The following CDKN2AIP variants were observed in gnomAD, a reference collection of about 807,000 sequenced individuals.
CDKN2AIP encodes the protein CDKN2A-interacting protein.
In CDKN2AIP, 12 loss-of-function variants were observed where a neutral mutation model predicts 44.1. The observed-to-expected ratio is 0.27, with a 90% CI of 0.17 to 0.44. The LOEUF (loss-of-function observed/expected upper bound fraction) is 0.44. CDKN2AIP is among the 20% of genes least tolerant of loss of function. The probability of loss-of-function intolerance (pLI) is 1.00; values close to 1 mark genes in which losing one functional copy is unlikely to be tolerated. For missense variants in CDKN2AIP, 705 were observed against 681.6 expected, an observed-to-expected ratio of 1.03 and a Z score of -0.38; for synonymous variants, 291 against 272.1, an observed-to-expected ratio of 1.07 and a Z score of -0.68.
Position 183,446,981 on chromosome 4 carries a change from G to A in CDKN2AIP, c.1297G>A (p.Val433Met). ...CTCTTGCAAGTTAACCAATGAAGAT[G>A]TGAAACAGAAGCAACCTTTTTTCAA... ...KFSCKLTNED[V>M]KQKQPFFNRL... Residue 433 changes from valine (V) to methionine (M), a missense_variant, in exon 3 of 3, where the codon GTG becomes ATG. Physicochemically the swap from Val to Met is conservative, Grantham distance 21. This residue lies in a region of CDKN2AIP where 592 missense variants were observed against 518.0 expected (regional missense o/e 1.14). Coordinates refer to ENST00000504169, the MANE Select transcript of CDKN2AIP (RefSeq NM_017632.4). The A allele has an allele frequency of 1.2e-6, 2 of 1,614,200 alleles. No individual in the cohort carries two copies. Among genetic ancestry groups the A allele is most frequent in the Non-Finnish European group, 1.7e-6 (2 of 1,180,008 alleles).
intron 2 of CDKN2AIP, 79 bp from the exon 3 acceptor site, chr4:183,446,009 A>G (rs1375292319): frequency 6.9e-6 from 8 of 1,165,532 alleles, no homozygotes; most frequent in Middle Eastern, 4.0e-4. Context: ...TTGTGCCTTT[A>G]TTTTAATGTG....
chr4:183,446,443 T>C lies in CDKN2AIP; in HGVS notation c.759T>C (p.Asn253=). ...SFVSLLKSSV[N]SHMTQSTDSR... is the part of the protein sequence containing the mutation. ...TTTCCTTGCTGAAATCCAGTGTGAA[T>C]AGTCACATGACCCAATCCACTGATT... Residue 253 remains asparagine (N), a synonymous_variant, in exon 3 of 3, where the codon AAT becomes AAC. Coordinates refer to ENST00000504169, the MANE Select transcript of CDKN2AIP (RefSeq NM_017632.4). 1.2e-6 allele frequency: 2 copies of C among 1,613,914 alleles called. No individual in the cohort carries two copies. Among genetic ancestry groups the C allele is most frequent in the Non-Finnish European group, 1.7e-6 (2 of 1,179,736 alleles).
In CDKN2AIP at chr4:183,447,027, C is replaced by T. The variant is rs1236032390; in HGVS notation, c.1343C>T (p.Ala448Val). The T allele has an allele frequency of 5.6e-6, 9 of 1,613,978 alleles. No homozygotes were observed. In the East Asian group the frequency reaches 1.6e-4, roughly 28 times the overall value. Residue 448 changes from alanine (A) to valine (V), a missense_variant, in exon 3 of 3, where the codon GCA becomes GTA. Physicochemically the swap from Ala to Val is moderately conservative, Grantham distance 64. Around this residue, in one of 2 missense-constraint regions of CDKN2AIP, gnomAD observed 113 missense variants for 163.6 expected, o/e 0.69. Coordinates refer to ENST00000504169, the MANE Select transcript of CDKN2AIP (RefSeq NM_017632.4). ...PFFNRLYKTVAWKLVAVGGFS... is the reference protein window; with the variant it reads ...PFFNRLYKTVVWKLVAVGGFS... Reference sequence around the variant, plus strand: ...TTCAATAGACTATATAAAACGGTGGCATGGAAGTTGGTAGCTGTTGGTGGC... The same window carrying T: ...TTCAATAGACTATATAAAACGGTGGTATGGAAGTTGGTAGCTGTTGGTGGC...
chr4:183,444,968 GGATGAAGCT>G lies in CDKN2AIP; in HGVS notation c.173_181del (p.Asp58_Ala60del). On this transcript the variant is annotated inframe_deletion, in exon 1 of 3. Transcript: ENST00000504169. ...CTGGCGGCGCTGCCTCCGCTAGCAC[GGATGAAGCT>G]GCCGACGCCGAGAGCGGGACCCGAA... The G allele has an allele frequency of 1.9e-6, 3 of 1,610,210 alleles. No homozygotes were observed. The highest frequency in any genetic ancestry group is 2.5e-6 in the Non-Finnish European group (3 of 1,177,812).
chr4:183,446,371 A>G lies in CDKN2AIP; in HGVS notation c.687A>G (p.Lys229=), dbSNP rs1305286779. ...AGGTAACAACGGCAGGATCTGGGAA[A>G]GCTTCTGAAGCAGAAGCTCCAGATA... is the stretch of plus-strand genomic sequence containing the variant. The part of the protein sequence containing the change: ...SSQVTTAGSG[K]ASEAEAPDKH... The change falls in exon 3 of 3, where the codon AAA becomes AAG. Residue 229 remains lysine, a synonymous_variant. Coordinates refer to ENST00000504169, the MANE Select transcript of CDKN2AIP (RefSeq NM_017632.4). The G allele has an allele frequency of 1.2e-5, 19 of 1,611,876 alleles. No homozygotes were observed. The highest frequency in any genetic ancestry group is 1.5e-5 in the Non-Finnish European group (18 of 1,178,940).
At position 183,444,662 on chromosome 4, in the gene CDKN2AIP, C is replaced by G. The variant is rs965732693; in HGVS notation, c.-136C>G. On this transcript the variant is annotated 5_prime_UTR_variant, in exon 1 of 3. Transcript: ENST00000504169. ...GTGGGCGGTTCGGCGGCTCTGGGCG[C>G]TGTTGTTTGGTCTTTAGGCCTGCGG... 2.5e-5 allele frequency: 20 copies of G among 804,738 alleles called. No individual in the cohort carries two copies. The highest frequency in any genetic ancestry group is 6.6e-5 in the South Asian group (3 of 45,472). 49.8% of individuals were successfully genotyped at this position (804,738 alleles called of 1,614,324 possible). A position where few individuals can be genotyped will look rare whatever the true frequency, so the allele number is the denominator to read the frequency against.
Position 183,446,490 on chromosome 4 carries a change from C to T in CDKN2AIP, c.806C>T (p.Pro269Leu), listed in dbSNP as rs1733684116. The change falls in exon 3 of 3, where the codon CCT becomes CTT. Residue 269 changes from proline to leucine, a missense_variant. Transcript: ENST00000504169. ...STDSRQQSGS[P>L]KKSALEGSSA... ...GATTCTAGACAACAAAGTGGATCAC[C>T]TAAAAAGAGTGCTTTGGAAGGCTCT... 8 of 1,613,716 alleles carry T rather than the reference C, an allele frequency of 5.0e-6. No homozygotes were observed. Among genetic ancestry groups the T allele is most frequent in the Middle Eastern group, 1.6e-4 (1 of 6,062 alleles).
At chr4:183,445,503 C>G (rs369471031) in intron 1 of CDKN2AIP, 32 bp from the exon 2 acceptor site, 173 of 1,588,282 alleles carry the variant, frequency 1.1e-4, no homozygotes, top group Non-Finnish European at 1.5e-4. Flanking sequence ...AGAAAAAACA[C>G]TTTTTAAAAA....
In CDKN2AIP at chr4:183,446,020, T is replaced by G; in HGVS notation, c.404-68T>G. ...CACTTTGTGCCTTTATTTTAATGTG[T>G]ATTTGTCTCATCACCCGTTTTGTAC... is the stretch of plus-strand genomic sequence containing the variant. On this transcript the variant is annotated intron_variant, in intron 2 of 2. Coordinates refer to ENST00000504169, the MANE Select transcript of CDKN2AIP (RefSeq NM_017632.4). 4 of 1,257,142 alleles carry G rather than the reference T, an allele frequency of 3.2e-6. No homozygotes were observed. In the South Asian group the frequency reaches 4.3e-5, roughly 14 times the overall value. 77.9% of individuals were successfully genotyped at this position (1,257,142 alleles called of 1,614,324 possible).
In CDKN2AIP at chr4:183,444,788, C is replaced by T. The variant is rs1292296281; in HGVS notation, c.-10C>T. 6.6e-7 allele frequency: 1 copy of T among 1,518,328 alleles called. No homozygotes were observed. Among genetic ancestry groups the T allele is most frequent in the East Asian group, 2.5e-5 (1 of 40,254 alleles). The allele number at this position is 1,518,328 out of a possible 1,614,324, so 94.1% of individuals were successfully genotyped here. On this transcript the variant is annotated 5_prime_UTR_variant, in exon 1 of 3. Transcript: ENST00000504169. Reference sequence around the variant, plus strand: ...CCGGTGCAGCTGTGTTCGCGGCCTGCAGGCCCAACATGGCGCAGGAGGTGT... The same window carrying T: ...CCGGTGCAGCTGTGTTCGCGGCCTGTAGGCCCAACATGGCGCAGGAGGTGT...
Position 183,446,427 on chromosome 4 carries a change from T to G in CDKN2AIP, c.743T>G (p.Leu248Arg), listed in dbSNP as rs759827030. The change falls in exon 3 of 3, where the codon CTG becomes CGG. Residue 248 changes from leucine to arginine, a missense_variant. Transcript: ENST00000504169. ...GGTTCTGCATCATTTGTTTCCTTGC[T>G]GAAATCCAGTGTGAATAGTCACATG... ...KHGSASFVSL[L>R]KSSVNSHMTQ... is the part of the protein sequence containing the mutation. 6.2e-7 allele frequency: 1 copy of G among 1,613,780 alleles called. No individual in the cohort carries two copies. The highest frequency in any genetic ancestry group is 8.5e-7 in the Non-Finnish European group (1 of 1,179,632).
Position 183,444,889 on chromosome 4 carries a change from A to G in CDKN2AIP, c.92A>G (p.His31Arg). ...CGCTGCGACGGCGAGACTGACAAAC[A>G]CTGGCGCCACCGCCGGGATTTTTTG... ...ALRCDGETDK[H>R]WRHRRDFLLR... Residue 31 changes from histidine (H) to arginine (R), a missense_variant, in exon 1 of 3, where the codon CAC becomes CGC. His to Arg is a conservative substitution (Grantham distance 29). Coordinates refer to ENST00000504169, the MANE Select transcript of CDKN2AIP (RefSeq NM_017632.4). The G allele has an allele frequency of 6.2e-7, 1 of 1,605,494 alleles. No homozygotes were observed. Among genetic ancestry groups the G allele is most frequent in the African/African-American group, 1.3e-5 (1 of 74,910 alleles).
Position 183,446,784 on chromosome 4 carries a change from C to T in CDKN2AIP, c.1100C>T (p.Ala367Val), listed in dbSNP as rs764106682. ...LLTSKSTSQVAASLLASKSSS... is the reference protein window; with the variant it reads ...LLTSKSTSQVVASLLASKSSS... ...ACTTCCAAGAGCACTTCCCAGGTAG[C>T]TGCATCACTACTAGCTTCCAAGAGC... The change falls in exon 3 of 3, where the codon GCT (alanine) becomes GTT (valine). Residue 367 changes from alanine (A) to valine (V), a missense_variant. Ala to Val is a moderately conservative substitution (Grantham distance 64). This residue lies in a region of CDKN2AIP where 592 missense variants were observed against 518.0 expected (regional missense o/e 1.14). Transcript: ENST00000504169. 4.3e-6 allele frequency: 7 copies of T among 1,614,068 alleles called. No homozygotes were observed. In the East Asian group the frequency reaches 8.9e-5, roughly 21 times the overall value.
rs1445928156 is a variant in CDKN2AIP at position 183,444,839 on chromosome 4, G to T, written c.42G>T (p.Arg14=). 6.4e-7 allele frequency: 1 copy of T among 1,564,956 alleles called. No homozygotes were observed. Among genetic ancestry groups the T allele is most frequent in the East Asian group, 2.4e-5 (1 of 42,224 alleles). Residue 14 remains arginine (R), a synonymous_variant, in exon 1 of 3, where the codon CGG becomes CGT. Coordinates refer to ENST00000504169, the MANE Select transcript of CDKN2AIP (RefSeq NM_017632.4). ...CGGAGTACCTGAGCCAGAACCCGCG[G>T]GTGGCAGCCTGGGTGGAGGCGCTGC... ...EVSEYLSQNP[R]VAAWVEALRC... is the part of the protein sequence containing the mutation.
Position 183,447,305 on chromosome 4 carries a change from G to A in CDKN2AIP, c.1621G>A (p.Val541Met), listed in dbSNP as rs1207175828. 3 of 1,612,304 alleles carry A rather than the reference G, an allele frequency of 1.9e-6. No homozygotes were observed. Among genetic ancestry groups the A allele is most frequent in the Non-Finnish European group, 2.5e-6 (3 of 1,179,572 alleles). The change falls in exon 3 of 3, where the codon GTG becomes ATG. Residue 541 changes from valine to methionine, a missense_variant. Physicochemically the swap from Val to Met is conservative, Grantham distance 21 (BLOSUM62 1). Transcript: ENST00000504169. ...ALKLFLKKKV[V>M]VKICKRKYRG... is the part of the protein sequence containing the mutation. ...GAAGTTATTTCTCAAGAAAAAGGTG[G>A]TGGTAAAAATATGTAAAAGGAAATA...
Position 183,446,571 on chromosome 4 carries a change from C to T in CDKN2AIP, c.887C>T (p.Ser296Leu), listed in dbSNP as rs371530861. 2.4e-5 allele frequency: 38 copies of T among 1,614,052 alleles called. No homozygotes were observed. The African/African-American group carries it at 4.5e-4, about 19-fold the overall frequency. ...SEIEVPLLGS[S>L]GSSEVELPLL... The stretch of plus-strand genomic sequence containing the variant: ...ATCGAGGTGCCCTTGTTGGGCTCCT[C>T]AGGAAGCTCAGAGGTAGAATTGCCA... The change falls in exon 3 of 3, where the codon TCA (serine) becomes TTA (leucine). Residue 296 changes from serine (S) to leucine (L), a missense_variant. Ser to Leu is a moderately radical substitution (Grantham distance 145, BLOSUM62 -2). This residue lies in a region of CDKN2AIP where 592 missense variants were observed against 518.0 expected (regional missense o/e 1.14). Transcript: ENST00000504169.
chr4:183,446,222 G>A lies in CDKN2AIP; in HGVS notation c.538G>A (p.Gly180Arg). Reference protein sequence around the residue: ...AQQENSSTCIGSAIKSESGNS... With the variant: ...AQQENSSTCIRSAIKSESGNS... ...GCAGGAAAACAGTTCAACGTGTATA[G>A]GGTCGGCCATCAAATCAGAGAGTGG... The change falls in exon 3 of 3, where the codon GGG becomes AGG. Residue 180 changes from glycine to arginine, a missense_variant. This residue lies in a region of CDKN2AIP where 592 missense variants were observed against 518.0 expected (regional missense o/e 1.14). Coordinates refer to ENST00000504169, the MANE Select transcript of CDKN2AIP (RefSeq NM_017632.4). The A allele has an allele frequency of 6.2e-7, 1 of 1,614,166 alleles. No individual in the cohort carries two copies. Among genetic ancestry groups the A allele is most frequent in the Middle Eastern group, 1.6e-4 (1 of 6,062 alleles).
chr4:183,447,373 A>G lies in CDKN2AIP; in HGVS notation c.1689A>G (p.Glu563=), dbSNP rs780772247. 1.9e-6 allele frequency: 3 copies of G among 1,574,928 alleles called. No individual in the cohort carries two copies. The East Asian group carries it at 6.7e-5, about 35-fold the overall frequency. The change falls in exon 3 of 3, where the codon GAA becomes GAG. Residue 563 remains glutamate (E), a synonymous_variant. Transcript: ENST00000504169. ...AAGATCTAGTACTCCTTGATGAAGA[A>G]TCGAGGCCTGTAAACTTACCTCCAG... The part of the protein sequence containing the change: ...EIEDLVLLDE[E]SRPVNLPPAL...
In CDKN2AIP at chr4:183,444,894, C is replaced by T. The variant is rs1470391403; in HGVS notation, c.97C>T (p.Arg33Cys). 2 of 1,605,982 alleles carry T rather than the reference C, an allele frequency of 1.2e-6. No individual in the cohort carries two copies. The highest frequency in any genetic ancestry group is 1.7e-5 in the Admixed American group (1 of 59,038). Residue 33 changes from arginine to cysteine, a missense_variant, in exon 1 of 3, where the codon CGC (arginine) becomes TGC (cysteine). Around this residue, in one of 2 missense-constraint regions of CDKN2AIP, gnomAD observed 592 missense variants for 518.0 expected, o/e 1.14. Coordinates refer to ENST00000504169, the MANE Select transcript of CDKN2AIP (RefSeq NM_017632.4). ...RCDGETDKHW[R>C]HRRDFLLRNA... Reference sequence around the variant, plus strand: ...CGACGGCGAGACTGACAAACACTGGCGCCACCGCCGGGATTTTTTGCTTCG... The same window carrying T: ...CGACGGCGAGACTGACAAACACTGGTGCCACCGCCGGGATTTTTTGCTTCG...
Sources: allele counts gnomAD v4.1 joint callset, GRCh38; gene constraint gnomAD v4.1.1; regional missense constraint gnomAD v4.1.1; transcripts MANE v1.5; gene names NCBI Gene and HGNC (gene_info 2026-07-23, HGNC 2026-07-21).